Variants in PACSIN2 observed in about 807,000 individuals in gnomAD.
The protein encoded by PACSIN2 is protein kinase C and casein kinase substrate in neurons protein 2.
In PACSIN2, 25 loss-of-function variants were observed where a neutral mutation model predicts 63.8. That is an observed-to-expected ratio of 0.39 (90% CI 0.29 to 0.55). The LOEUF (loss-of-function observed/expected upper bound fraction) is 0.55, where lower values mean the gene tolerates loss of function less well. PACSIN2 is among the 20% of genes least tolerant of loss of function. PACSIN2 has a pLI of 0.62. For synonymous variants in PACSIN2, 255 were observed against 256.2 expected (o/e 1.00, Z 0.05); for missense variants, 518 against 646.9 (o/e 0.80, Z 2.16).
intron 1 of PACSIN2, among the ~76,000 whole-genome samples, chr22:42,956,022 CT>C (rs1178750278): frequency 1.3e-5 from 2 of 152,170 alleles, no homozygotes; most frequent in African/African-American, 4.8e-5. Context: ...ACATTTTGTC[CT>C]GTTAATTACA....
chr22:42,984,357 TTAA>T (rs1922460741), intron 1 of PACSIN2, among the ~76,000 whole-genome samples: 2 of 152,144 alleles, frequency 1.3e-5, no homozygotes, highest in Non-Finnish European at 2.9e-5. Context: ...CCAGGAAAAG[TTAA>T]TAATGAGTAC....
intron 1 of PACSIN2, among the ~76,000 whole-genome samples, chr22:42,998,755 G>A (rs942930055): frequency 2.0e-5 from 3 of 152,050 alleles, no homozygotes; most frequent in South Asian, 2.1e-4. Context: ...TCCTGTTTTC[G>A]CACCCAAATG....
intron 1 of PACSIN2, among the ~76,000 whole-genome samples, chr22:42,954,102 A>G (rs1933815027): frequency 6.6e-6 from 1 of 152,200 alleles, no homozygotes. Flanking sequence ...CTCTACCAAA[A>G]AACTCAAAAA....
intron 1 of PACSIN2, among the ~76,000 whole-genome samples, chr22:43,014,729 T>A (rs1924767876): frequency 7.1e-6 from 1 of 140,564 alleles, no homozygotes; most frequent in African/African-American, 2.7e-5. Context: ...CCCGGAAAAC[T>A]GCCCCGCTCC....
intron 1 of PACSIN2, among the ~76,000 whole-genome samples, chr22:42,971,133 C>G (rs1434640434): frequency 2.0e-5 from 3 of 152,250 alleles, no homozygotes; most frequent in African/African-American, 7.2e-5. Flanking sequence ...CCTCTGATGC[C>G]GAGCCAAAGC....
intron 1 of PACSIN2, among the ~76,000 whole-genome samples, chr22:42,961,616 T>C (rs1934138757): frequency 6.6e-6 from 1 of 151,626 alleles, no homozygotes; most frequent in Non-Finnish European, 1.5e-5. Flanking sequence ...TACTAAAAAA[T>C]ACAAAAATTG....
chr22:42,937,680 C>T (rs922626101), intron 1 of PACSIN2, among the ~76,000 whole-genome samples: 1 of 152,178 alleles, frequency 6.6e-6, no homozygotes, highest in Non-Finnish European at 1.5e-5. Flanking sequence ...ACAAATCCTG[C>T]ACTTCCCCTA....
chr22:43,012,885 C>T (rs543572003), intron 1 of PACSIN2, among the ~76,000 whole-genome samples: 2 of 152,266 alleles, frequency 1.3e-5, no homozygotes, highest in South Asian at 4.1e-4. Context: ...AACTCCCGAC[C>T]TCTGGTGATC....
chr22:42,935,686 A>G (rs367841696), intron 1 of PACSIN2, among the ~76,000 whole-genome samples: 41 of 152,198 alleles, frequency 2.7e-4, no homozygotes, highest in African/African-American at 9.9e-4. Flanking sequence ...GTTTCCACAG[A>G]GACAAGGGCA....
intron 1 of PACSIN2, among the ~76,000 whole-genome samples, chr22:42,930,317 A>T (rs542478002): frequency 6.6e-6 from 1 of 152,146 alleles, no homozygotes; most frequent in Non-Finnish European, 1.5e-5. Flanking sequence ...CTCTGCCCCA[A>T]TTCCACAGCC....
intron 1 of PACSIN2, among the ~76,000 whole-genome samples, chr22:43,014,339 CACACACACACACAGACACACACA>C (rs1569383393): frequency 9.3e-5 from 13 of 139,078 alleles, no homozygotes; most frequent in African/African-American, 3.5e-4. Context: ...CACACACACA[CACACACACACACAGACACACACA>C]CACCACCCCC....
At chr22:42,887,839 T>C (rs1280840124) in intron 5 of PACSIN2, among the ~76,000 whole-genome samples, 1 of 152,110 alleles carries the variant, frequency 6.6e-6, no homozygotes, top group Non-Finnish European at 1.5e-5. Flanking sequence ...AAATCTCCGC[T>C]TCACAACAGA....
intron 8 of PACSIN2, among the ~76,000 whole-genome samples, chr22:42,877,885 T>G (rs4822215): frequency 0.43 from 65,718 of 152,054 alleles, 14,741 homozygotes; most frequent in Non-Finnish European, 0.48. Context: ...CTGGATGGAC[T>G]GCTCAGCCTG....
rs1196473404 is a variant in PACSIN2 at position 42,939,339 on chromosome 22, G to A, written c.-77-27182C>T. 2.0e-5 allele frequency among the ~76,000 whole-genome samples: 3 copies of A among 152,242 alleles called. No homozygotes were observed. In the East Asian group the frequency reaches 5.8e-4, roughly 29 times the overall value. Reference sequence around the variant, plus strand: ...TAAATACTCAGTTGATGTTCCAGAGGTTTAAAACAGAAAAACTTACTTTAA... The same window carrying A: ...TAAATACTCAGTTGATGTTCCAGAGATTTAAAACAGAAAAACTTACTTTAA... On this transcript the variant is annotated intron_variant, in intron 1 of 10. Transcript: ENST00000263246.
At position 42,947,682 on chromosome 22, in the gene PACSIN2, G is replaced by C. The variant is rs565569364; in HGVS notation, c.-77-35525C>G. On this transcript the variant is annotated intron_variant, in intron 1 of 10. Coordinates refer to ENST00000263246, the MANE Select transcript of PACSIN2 (RefSeq NM_001184970.3). Reference sequence around the variant, plus strand: ...TCACAAGACCCCTGGGGGTGGGGGGGGGGACCTCTTAATGATCCAGCTGCC... The same window carrying C: ...TCACAAGACCCCTGGGGGTGGGGGGCGGGACCTCTTAATGATCCAGCTGCC... Among the ~76,000 whole-genome samples, 14 of 136,710 alleles carry C rather than the reference G, an allele frequency of 1.0e-4. No individual in the cohort carries two copies. The East Asian group carries it at 3.5e-3, about 34-fold the overall frequency. 89.7% of individuals were successfully genotyped at this position (136,710 alleles called of 152,430 possible). A position where few individuals can be genotyped will look rare whatever the true frequency, so the allele number is the denominator to read the frequency against.
chr22:42,980,557 C>A (rs953691904), intron 1 of PACSIN2, among the ~76,000 whole-genome samples: 1 of 137,734 alleles, frequency 7.3e-6, no homozygotes, highest in Non-Finnish European at 1.6e-5. Context: ...GACGGTACTG[C>A]TGCCATCTCG....
At chr22:42,978,069 T>C (rs901267033) in intron 1 of PACSIN2, among the ~76,000 whole-genome samples, 1 of 152,110 alleles carries the variant, frequency 6.6e-6, no homozygotes, top group Non-Finnish European at 1.5e-5. Flanking sequence ...AGATCCAGAG[T>C]ACAACACTCA....
intron 1 of PACSIN2, among the ~76,000 whole-genome samples, chr22:42,957,746 G>T (rs535995906): frequency 6.6e-6 from 1 of 152,224 alleles, no homozygotes; most frequent in East Asian, 1.9e-4. Flanking sequence ...TAAAGGTTTG[G>T]GGTTTCCCTT....
Position 42,966,350 on chromosome 22 carries a change from TGAGACTGC to T in PACSIN2, c.-78+48663_-78+48670del, listed in dbSNP as rs555076569. ...CCTGCACTCCGGCCTGGCGACAGAG[TGAGACTGC>T]ATCTAAAAAAAAAAAAAAGCCACTT... On this transcript the variant is annotated intron_variant, in intron 1 of 10. Coordinates refer to ENST00000263246, the MANE Select transcript of PACSIN2 (RefSeq NM_001184970.3). 1.7e-3 allele frequency among the ~76,000 whole-genome samples: 250 copies of T among 148,610 alleles called. 2 individuals are homozygous for T. The highest frequency in any genetic ancestry group is 6.1e-3 in the African/African-American group (243 of 40,088).
Sources: gnomAD v4.1 joint callset for allele counts (sites outside exome capture counted in the v4.1 genomes callset) on GRCh38, gnomAD v4.1.1 for gene constraint, MANE v1.5 for transcripts, NCBI Gene and HGNC (gene_info 2026-07-23, HGNC 2026-07-21) for gene names.